The following TMEM135 variants were observed in gnomAD, a reference collection of about 807,000 sequenced individuals.
TMEM135 encodes transmembrane protein 135, also known as peroxisomal membrane protein 52.
TMEM135 carries 30 observed loss-of-function variants against 60.3 expected under a neutral mutation model. That is an observed-to-expected ratio of 0.50 (90% CI 0.37 to 0.68). The LOEUF (loss-of-function observed/expected upper bound fraction) is 0.68, where lower values mean the gene tolerates loss of function less well. Among genes scored for constraint, TMEM135 ranks in the 30% least tolerant of loss-of-function variants. TMEM135 has a pLI of 0.00. For synonymous variants in TMEM135, 190 were observed against 186.7 expected, an observed-to-expected ratio of 1.02 and a Z score of -0.14; for missense variants, 468 against 548.8, an observed-to-expected ratio of 0.85 and a Z score of 1.47.
intron 4 of TMEM135, among the ~76,000 whole-genome samples, chr11:87,102,740 G>GTA (rs1157507913): frequency 2.8e-5 from 4 of 140,438 alleles, no homozygotes; most frequent in South Asian, 2.3e-4. Flanking sequence ...ATATATATAT[G>GTA]TATATATGTA....
intron 4 of TMEM135, among the ~76,000 whole-genome samples, chr11:87,127,286 C>A (rs1050490049): frequency 7.9e-5 from 12 of 152,156 alleles, no homozygotes; most frequent in African/African-American, 2.7e-4. Flanking sequence ...CGTCTTACTT[C>A]AATTAATACA....
chr11:87,117,821 GTGAGTTC>G (rs1857930830), intron 4 of TMEM135, among the ~76,000 whole-genome samples: 1 of 152,162 alleles, frequency 6.6e-6, no homozygotes, highest in East Asian at 1.9e-4. Flanking sequence ...ATGTAGAATG[GTGAGTTC>G]TTTCCAGAAG....
chr11:87,142,811 G>C (rs1196174157), intron 4 of TMEM135, among the ~76,000 whole-genome samples: 1 of 115,022 alleles, frequency 8.7e-6, no homozygotes, highest in East Asian at 3.4e-4. Context: ...TTTTCCTTCT[G>C]CTCCTTTTTT....
At chr11:87,316,015 C>T (rs141491644) in intron 12 of TMEM135, among the ~76,000 whole-genome samples, 28 of 151,958 alleles carry the variant, frequency 1.8e-4, no homozygotes, top group Admixed American at 7.9e-4. Flanking sequence ...GATGTAGAAT[C>T]AGTCTTCTCT....
chr11:87,249,152 C>T (rs1017992992), intron 6 of TMEM135, among the ~76,000 whole-genome samples: 3 of 152,140 alleles, frequency 2.0e-5, no homozygotes, highest in African/African-American at 7.2e-5. Context: ...TGAAAGTGGG[C>T]ATCCCTGTTG....
chr11:87,095,080 A>G (rs1320901208), intron 4 of TMEM135: 1 of 192,174 alleles, frequency 5.2e-6, no homozygotes, highest in African/African-American at 2.3e-5. Flanking sequence ...ATTTTACTTT[A>G]TCACCTTTAC....
In TMEM135 at chr11:87,219,502, G is replaced by C. The variant is rs528714688; in HGVS notation, c.463-17136G>C. On this transcript the variant is annotated intron_variant, in intron 5 of 14. Transcript: ENST00000305494. ...GGAGAGAGCCAGGGAGAGTGAGAGAGTGAGAGCGAAAGAGCGAGCAAGGAG... is the reference window on the plus strand; with the variant it reads ...GGAGAGAGCCAGGGAGAGTGAGAGACTGAGAGCGAAAGAGCGAGCAAGGAG... Among the ~76,000 whole-genome samples the C allele has an allele frequency of 1.9e-3, 292 of 152,248 alleles. 1 individual carries two copies. Among genetic ancestry groups the C allele is most frequent in the African/African-American group, 6.7e-3 (278 of 41,566 alleles).
intron 4 of TMEM135, among the ~76,000 whole-genome samples, chr11:87,156,813 G>T (rs1938707285): frequency 6.6e-6 from 1 of 152,054 alleles, no homozygotes; most frequent in Non-Finnish European, 1.5e-5. Context: ...TAACTTCCAA[G>T]TTGAATTTAA....
chr11:87,079,021 TG>T (rs1266414723), intron 3 of TMEM135, among the ~76,000 whole-genome samples: 2 of 152,174 alleles, frequency 1.3e-5, no homozygotes, highest in Non-Finnish European at 2.9e-5. Context: ...GTTTATTTTT[TG>T]AGGTGGAGTC....
At chr11:87,055,311 C>G (rs1949883294) in intron 1 of TMEM135, among the ~76,000 whole-genome samples, 1 of 152,112 alleles carries the variant, frequency 6.6e-6, no homozygotes. Flanking sequence ...GTTTATTTGA[C>G]AATTTCACAA....
At position 87,200,134 on chromosome 11, in the gene TMEM135, A is replaced by G. The variant is rs545235038; in HGVS notation, c.463-36504A>G. On this transcript the variant is annotated intron_variant, in intron 5 of 14. Transcript: ENST00000305494. ...TATTAGTAATTTTCACTCAATAATT[A>G]TAGTCTTAGATAAGTAAAATAATAA... Among the ~76,000 whole-genome samples the G allele has an allele frequency of 4.6e-5, 7 of 152,296 alleles. No individual in the cohort carries two copies. The South Asian group carries it at 1.0e-3, about 23-fold the overall frequency.
chr11:87,207,504 C>T (rs1179746607), intron 5 of TMEM135, among the ~76,000 whole-genome samples: 1 of 152,076 alleles, frequency 6.6e-6, no homozygotes, highest in African/African-American at 2.4e-5. Flanking sequence ...ACATTGTTTA[C>T]TTAATTGAAA....
At chr11:87,066,938 G>A (rs58096622) in intron 1 of TMEM135, among the ~76,000 whole-genome samples, 3 of 150,930 alleles carry the variant, frequency 2.0e-5, no homozygotes, top group South Asian at 2.1e-4. Context: ...CCACCACCAC[G>A]CCCGTCTCAT....
At chr11:87,261,087 A>G (rs577698956) in intron 6 of TMEM135, among the ~76,000 whole-genome samples, 88 of 152,348 alleles carry the variant, frequency 5.8e-4, no homozygotes, top group African/African-American at 2.0e-3. Flanking sequence ...AACCTATTCT[A>G]GTACCTCACA....
intron 1 of TMEM135, among the ~76,000 whole-genome samples, chr11:87,057,150 AT>A (rs1258667683): frequency 2.0e-5 from 3 of 152,138 alleles, no homozygotes; most frequent in Non-Finnish European, 2.9e-5. Flanking sequence ...CTTGTTCCTG[AT>A]CACATTTTGT....
chr11:87,113,187 A>T (rs1012806336), intron 4 of TMEM135, among the ~76,000 whole-genome samples: 2 of 152,146 alleles, frequency 1.3e-5, no homozygotes, highest in African/African-American at 4.8e-5. Context: ...TTGATGAAAG[A>T]TAGTTCACAT....
intron 6 of TMEM135, among the ~76,000 whole-genome samples, chr11:87,250,870 G>T (rs542381596): frequency 6.6e-6 from 1 of 152,264 alleles, no homozygotes; most frequent in Admixed American, 6.5e-5. Context: ...GAGTGAATTT[G>T]GGATTTGGAG....
intron 4 of TMEM135, among the ~76,000 whole-genome samples, chr11:87,117,861 A>G (rs1476672152): frequency 6.6e-6 from 1 of 152,176 alleles, no homozygotes; most frequent in African/African-American, 2.4e-5. Flanking sequence ...CTTTGCCCCA[A>G]TCCATCAGAG....
intron 6 of TMEM135, among the ~76,000 whole-genome samples, chr11:87,252,852 A>G (rs1466806678): frequency 6.7e-6 from 1 of 149,672 alleles, no homozygotes; most frequent in Non-Finnish European, 1.5e-5. Flanking sequence ...GACAAGGACA[A>G]ACATGAAGCC....
Sources: allele counts gnomAD v4.1 joint callset (sites outside exome capture counted in the v4.1 genomes callset), GRCh38; gene constraint gnomAD v4.1.1; transcripts MANE v1.5; gene names NCBI Gene and HGNC (gene_info 2026-07-23, HGNC 2026-07-21).